Variants in ANKRD13A observed in about 807,000 individuals in gnomAD.
ANKRD13A encodes ankyrin repeat domain 13A, also known as ankyrin repeat domain-containing protein 13A.
Under a neutral mutation model 81.3 loss-of-function variants are expected in ANKRD13A, and 48 were observed. The observed-to-expected ratio is 0.59, with a 90% CI of 0.47 to 0.75. The LOEUF (loss-of-function observed/expected upper bound fraction) is 0.75. Ranked by LOEUF, ANKRD13A falls within the 30% of genes least tolerant of loss-of-function variation. ANKRD13A has a pLI of 0.00. For missense variants in ANKRD13A, 612 were observed against 734.0 expected, an observed-to-expected ratio of 0.83 and a Z score of 1.92; for synonymous variants, 230 against 270.1, an observed-to-expected ratio of 0.85 and a Z score of 1.45.
intron 1 of ANKRD13A, among the ~76,000 whole-genome samples, chr12:110,005,720 G>A (rs889052644): frequency 1.3e-5 from 2 of 152,250 alleles, no homozygotes; most frequent in East Asian, 1.9e-4. Context: ...TTTGTTAGAC[G>A]AAAATGTTTC....
At chr12:110,003,336 T>G (rs898431780) in intron 1 of ANKRD13A, among the ~76,000 whole-genome samples, 3 of 152,078 alleles carry the variant, frequency 2.0e-5, no homozygotes, top group African/African-American at 7.2e-5. Flanking sequence ...GCAGGCCAGG[T>G]GAGGCCCCGG....
intron 10 of ANKRD13A, 104 bp downstream of exon 10, chr12:110,028,746 ATT>A: frequency 6.9e-7 from 1 of 1,456,474 alleles, no homozygotes; most frequent in Non-Finnish European, 9.3e-7. Flanking sequence ...CACCACCCTT[ATT>A]TTTTTTTCAG....
At chr12:110,007,324 A>T (rs1890288556) in intron 1 of ANKRD13A, among the ~76,000 whole-genome samples, 1 of 152,128 alleles carries the variant, frequency 6.6e-6, no homozygotes, top group Non-Finnish European at 1.5e-5. Context: ...TTAAACCATG[A>T]GCATAAGGAT....
In ANKRD13A at chr12:110,008,559, A is replaced by G. The variant is rs188564695; in HGVS notation, c.97-3446A>G. On this transcript the variant is annotated intron_variant, in intron 1 of 14. Transcript: ENST00000261739. ...TATTTATTGGAAAAGTTTGTGAAACATTGGTATTAATTCTTTAAATGTTTA... is the reference window on the plus strand; with the variant it reads ...TATTTATTGGAAAAGTTTGTGAAACGTTGGTATTAATTCTTTAAATGTTTA... Among the ~76,000 whole-genome samples the G allele has an allele frequency of 3.8e-3, 584 of 152,316 alleles. 18 individuals are homozygous for G. Among genetic ancestry groups the G allele is most frequent in the Admixed American group, 0.033 (503 of 15,286 alleles).
chr12:110,021,381 G>T, intron 6 of ANKRD13A: 1 of 167,478 alleles, frequency 6.0e-6, no homozygotes, highest in Non-Finnish European at 1.3e-5. Flanking sequence ...GGAAGGTGTG[G>T]CCTTCTCTCA....
intron 1 of ANKRD13A, among the ~76,000 whole-genome samples, chr12:110,011,414 T>C (rs554587006): frequency 5.3e-5 from 8 of 152,328 alleles, no homozygotes; most frequent in South Asian, 2.1e-4. Context: ...TCCGCATACG[T>C]GCCCGGCAGA....
intron 12 of ANKRD13A, 66 bp downstream of exon 12, chr12:110,030,824 G>A: frequency 1.8e-6 from 2 of 1,081,982 alleles, no homozygotes; most frequent in Non-Finnish European, 2.6e-6. Context: ...GCCGGACGTG[G>A]TGGCTTATGC....
In ANKRD13A at chr12:109,999,518, G is replaced by A. The variant is rs1479225672; in HGVS notation, c.-171G>A. 2.8e-6 allele frequency: 1 copy of A among 352,872 alleles called. No homozygotes were observed. The highest frequency in any genetic ancestry group is 4.8e-5 in the East Asian group (1 of 21,052). 21.9% of individuals were successfully genotyped at this position (352,872 alleles called of 1,614,324 possible). ...CGACCTGGTCCCTGAGCCGGCCGGC[G>A]ACCCCGGACCTCCCGCGCGCCCCGC... is the stretch of plus-strand genomic sequence containing the variant. On this transcript the variant is annotated 5_prime_UTR_variant, in exon 1 of 15. Coordinates refer to ENST00000261739, the MANE Select transcript of ANKRD13A (RefSeq NM_033121.2). This position sits in a 1 kb window ranked among gnomAD's most constrained non-coding sequence, Gnocchi z 4.3.
At chr12:110,011,205 G>A (rs995477579) in intron 1 of ANKRD13A, among the ~76,000 whole-genome samples, 1 of 152,218 alleles carries the variant, frequency 6.6e-6, no homozygotes. Flanking sequence ...CAGTGCCCAG[G>A]CATTGAGACT....
At chr12:110,032,863 C>T (rs1891776368) in intron 12 of ANKRD13A, 1 of 152,080 alleles carries the variant, frequency 6.6e-6, no homozygotes, top group African/African-American at 2.4e-5. Flanking sequence ...CCGCATGATT[C>T]CATTTATGTC....
chr12:110,016,542 A>G, intron 4 of ANKRD13A, 109 bp downstream of exon 4: 3 of 1,038,526 alleles, frequency 2.9e-6, no homozygotes, highest in Non-Finnish European at 4.1e-6. Context: ...TTAGTCAAGG[A>G]AATACATAGT....
In ANKRD13A at chr12:110,037,639, G is replaced by C; in HGVS notation, c.*85G>C. 2.1e-6 allele frequency: 3 copies of C among 1,405,192 alleles called. No homozygotes were observed. The highest frequency in any genetic ancestry group is 1.9e-6 in the Non-Finnish European group (2 of 1,042,060). 87.0% of individuals were successfully genotyped at this position (1,405,192 alleles called of 1,614,324 possible). A position where few individuals can be genotyped will look rare whatever the true frequency, so the allele number is the denominator to read the frequency against. ...GTCAACCAGGGCCCTAGGGCTAAGG[G>C]CCTGCACCTTGCGTGCATGCAGCAG... On this transcript the variant is annotated 3_prime_UTR_variant, in exon 15 of 15. Transcript: ENST00000261739.
chr12:110,036,316 C>G lies in ANKRD13A; in HGVS notation c.1565C>G (p.Ala522Gly). 6.2e-7 allele frequency: 1 copy of G among 1,613,986 alleles called. No homozygotes were observed. The highest frequency in any genetic ancestry group is 1.1e-5 in the South Asian group (1 of 91,084). The change falls in exon 14 of 15, where the codon GCC becomes GGC. Residue 522 changes from alanine (A) to glycine (G), a missense_variant. Transcript: ENST00000261739. The surrounding 1 kb of genome is among the most constrained non-coding windows in gnomAD (Gnocchi z 4.6). ...ATCAGCCAGACAAACACCTATGACG[C>G]CCAGTATGAGAGGTGATTGACTGAC... ...GGISQTNTYD[A>G]QYERAIQESL...
intron 1 of ANKRD13A, 144 bp from the exon 2 acceptor site, chr12:110,011,861 T>C: frequency 1.4e-6 from 1 of 726,384 alleles, no homozygotes; most frequent in South Asian, 2.9e-5. Context: ...TGTGCCCAAA[T>C]GCAAACATAC....
rs374895636 is a variant in ANKRD13A at position 110,026,776 on chromosome 12, G to A, written c.884-929G>A. On this transcript the variant is annotated intron_variant, in intron 8 of 14. Transcript: ENST00000261739. ...GCACTCCTGTAGTCTCAGCTACTGG[G>A]GAGGCTGAGGCAGGAGAATCGCTTG... 5.5e-4 allele frequency among the ~76,000 whole-genome samples: 84 copies of A among 152,218 alleles called. No individual in the cohort carries two copies. The South Asian group carries it at 0.016, about 29-fold the overall frequency.
chr12:109,999,639 G>C lies in ANKRD13A; in HGVS notation c.-50G>C. The C allele has an allele frequency of 6.9e-7, 1 of 1,451,718 alleles. No individual in the cohort carries two copies. Among genetic ancestry groups the C allele is most frequent in the Non-Finnish European group, 9.2e-7 (1 of 1,086,256 alleles). 89.9% of individuals were successfully genotyped at this position (1,451,718 alleles called of 1,614,324 possible). Reference sequence around the variant, plus strand: ...CAGGCGGGCGCGGGAGACCCCGCCGGGGCCGAGACTTGGGGCGGGCGACGA... The same window carrying C: ...CAGGCGGGCGCGGGAGACCCCGCCGCGGCCGAGACTTGGGGCGGGCGACGA... On this transcript the variant is annotated 5_prime_UTR_variant, in exon 1 of 15. Transcript: ENST00000261739. This position sits in a 1 kb window ranked among gnomAD's most constrained non-coding sequence, Gnocchi z 4.3.
At chr12:110,030,483 C>T (rs1191085745) in intron 11 of ANKRD13A, among the ~76,000 whole-genome samples, 162 bp from the exon 12 acceptor site, 1 of 152,064 alleles carries the variant, frequency 6.6e-6, no homozygotes, top group Non-Finnish European at 1.5e-5. Flanking sequence ...ACACAACTCT[C>T]AATCTCAGTT....
At chr12:110,020,886 T>G (rs1891043484) in intron 6 of ANKRD13A, among the ~76,000 whole-genome samples, 1 of 152,218 alleles carries the variant, frequency 6.6e-6, no homozygotes, top group South Asian at 2.1e-4. Flanking sequence ...AATCTGGAGA[T>G]GAAATCTCCA....
intron 1 of ANKRD13A, among the ~76,000 whole-genome samples, chr12:110,006,427 T>C (rs1292075380): frequency 6.6e-6 from 1 of 152,250 alleles, no homozygotes; most frequent in East Asian, 1.9e-4. Context: ...CATCTTTTCA[T>C]GTGCTTATTG....
Sources: gnomAD v4.1 joint callset for allele counts (sites outside exome capture counted in the v4.1 genomes callset) on GRCh38, gnomAD v4.1.1 for gene constraint, Gnocchi (gnomAD v3.1) non-coding constraint, MANE v1.5 for transcripts, NCBI Gene and HGNC (gene_info 2026-07-23, HGNC 2026-07-21) for gene names.